The following LYPD6B variants were observed in gnomAD, a reference collection of about 807,000 sequenced individuals.
LYPD6B encodes the protein LY6/PLAUR domain containing 6B, also known as ly6/PLAUR domain-containing protein 6B.
In LYPD6B, 17 loss-of-function variants were observed where a neutral mutation model predicts 22.8. The ratio of observed to expected loss-of-function variants is 0.75; its 90% CI spans 0.51 to 1.12. The LOEUF (loss-of-function observed/expected upper bound fraction) is 1.12. Among genes scored for constraint, LYPD6B ranks in the 50% most tolerant of loss-of-function variants. The pLI, the probability that LYPD6B is intolerant of heterozygous loss-of-function variation, is 0.00. For missense variants in LYPD6B, 221 were observed against 258.3 expected, an observed-to-expected ratio of 0.86 and a Z score of 0.99; for synonymous variants, 106 against 91.6, an observed-to-expected ratio of 1.16 and a Z score of -0.90.
At chr2:149,146,400 C>T (rs385072) in intron 2 of LYPD6B, among the ~76,000 whole-genome samples, 96,540 of 151,794 alleles carry the variant, frequency 0.64, 30,813 homozygotes, top group South Asian at 0.75. Flanking sequence ...AGAGGCTCTG[C>T]GGAAGGATGG....
chr2:149,116,086 G>A (rs1343079754), intron 1 of LYPD6B, among the ~76,000 whole-genome samples: 1 of 152,120 alleles, frequency 6.6e-6, no homozygotes, highest in Non-Finnish European at 1.5e-5. Flanking sequence ...CATCATGTAG[G>A]CATTTTATCA....
chr2:149,196,896 C>T (rs1692846492), intron 3 of LYPD6B, among the ~76,000 whole-genome samples: 1 of 152,332 alleles, frequency 6.6e-6, no homozygotes, highest in South Asian at 2.1e-4. Flanking sequence ...TGCTAAATTT[C>T]CTCAACTGAA....
At chr2:149,107,195 T>A (rs1686520038) in intron 1 of LYPD6B, among the ~76,000 whole-genome samples, 1 of 152,186 alleles carries the variant, frequency 6.6e-6, no homozygotes, top group African/African-American at 2.4e-5. Flanking sequence ...TGTGAGGTGA[T>A]AAAATGCCTA....
At chr2:149,102,166 C>A (rs1686243553) in intron 1 of LYPD6B, among the ~76,000 whole-genome samples, 1 of 152,076 alleles carries the variant, frequency 6.6e-6, no homozygotes, top group Non-Finnish European at 1.5e-5. Context: ...AGTAAAGGCA[C>A]ATTGAAAAGA....
chr2:149,104,991 A>G (rs959978802), intron 1 of LYPD6B, among the ~76,000 whole-genome samples: 4 of 152,232 alleles, frequency 2.6e-5, no homozygotes, highest in Non-Finnish European at 5.9e-5. Flanking sequence ...TATAGTGTAA[A>G]GATCAAATTG....
chr2:149,153,995 G>C, intron 2 of LYPD6B: 1 of 818,338 alleles, frequency 1.2e-6, no homozygotes, highest in Non-Finnish European at 1.5e-6. Context: ...CAAGAATTCA[G>C]CCTGGCTCCT....
intron 3 of LYPD6B, among the ~76,000 whole-genome samples, chr2:149,189,664 G>C (rs1238001110): frequency 6.6e-6 from 1 of 151,982 alleles, no homozygotes; most frequent in African/African-American, 2.4e-5. Context: ...AAATAAACCT[G>C]TTGGGGAAGC....
At chr2:149,054,529 T>G (rs964918418) in intron 1 of LYPD6B, among the ~76,000 whole-genome samples, 7 of 152,210 alleles carry the variant, frequency 4.6e-5, no homozygotes, top group Admixed American at 4.6e-4. Flanking sequence ...AATATTTTAT[T>G]GCATTCTGTA....
chr2:149,206,651 C>T (rs1008997656), intron 4 of LYPD6B, among the ~76,000 whole-genome samples: 20 of 151,946 alleles, frequency 1.3e-4, no homozygotes, highest in Non-Finnish European at 2.4e-4. Context: ...TCCAAAGAGA[C>T]GGAAAACATA....
chr2:149,206,372 C>G (rs907720351), intron 4 of LYPD6B, among the ~76,000 whole-genome samples: 31 of 151,960 alleles, frequency 2.0e-4, no homozygotes, highest in African/African-American at 7.5e-4. Context: ...ACAGTCATCT[C>G]TGTGTGTGTG....
intron 3 of LYPD6B, among the ~76,000 whole-genome samples, chr2:149,195,946 C>G (rs1397163658): frequency 6.6e-6 from 1 of 152,182 alleles, no homozygotes; most frequent in Non-Finnish European, 1.5e-5. Context: ...AGAATTTGCC[C>G]CCAGGCCTGA....
rs150401707 is a variant in LYPD6B, at chr2:149,040,634, T to C, written c.-67+1833T>C. On this transcript the variant is annotated intron_variant, in intron 1 of 6. Coordinates refer to ENST00000409642, the MANE Select transcript of LYPD6B (RefSeq NM_177964.5). ...TGGGCACATGACCGACTGTGATTGA[T>C]AGACTGGCCCACCTCTGCTGCAAGG... Among the ~76,000 whole-genome samples the C allele has an allele frequency of 2.0e-4, 30 of 152,304 alleles. No individual in the cohort carries two copies. In the East Asian group the frequency reaches 4.8e-3, roughly 25 times the overall value.
At chr2:149,062,257 G>C (rs1332031954) in intron 1 of LYPD6B, among the ~76,000 whole-genome samples, 1 of 152,206 alleles carries the variant, frequency 6.6e-6, no homozygotes, top group African/African-American at 2.4e-5. Context: ...AAAGTGCTGG[G>C]ATTACAGGCG....
intron 3 of LYPD6B, among the ~76,000 whole-genome samples, chr2:149,184,510 A>G (rs1691964448): frequency 6.6e-6 from 1 of 152,196 alleles, no homozygotes; most frequent in South Asian, 2.1e-4. Flanking sequence ...GAAGCATAAG[A>G]AGGGAGAGCA....
intron 1 of LYPD6B, among the ~76,000 whole-genome samples, chr2:149,103,771 CTTTT>C (rs56739458): frequency 8.1e-5 from 6 of 74,322 alleles, no homozygotes; most frequent in Non-Finnish European, 7.1e-5. Flanking sequence ...TTGTGCATAT[CTTTT>C]TTTTTTTTTT....
chr2:149,170,862 A>T lies in LYPD6B; in HGVS notation c.77+10027A>T, dbSNP rs188399614. Among the ~76,000 whole-genome samples, 47 of 152,338 alleles carry T rather than the reference A, an allele frequency of 3.1e-4. No homozygotes were observed. In the East Asian group the frequency reaches 7.7e-3, roughly 25 times the overall value. On this transcript the variant is annotated intron_variant, in intron 3 of 6. Transcript: ENST00000409642. The stretch of plus-strand genomic sequence containing the variant: ...CTTTCTTTGTCTTCAGGCACTTGAA[A>T]TACATCATTAAACAACACAGAATTA...
chr2:149,067,230 C>T (rs571493266), intron 1 of LYPD6B, among the ~76,000 whole-genome samples: 35 of 152,054 alleles, frequency 2.3e-4, no homozygotes, highest in African/African-American at 2.9e-4. Flanking sequence ...GTTTGAGAAG[C>T]GCTGCTACAT....
chr2:149,098,132 T>G (rs1685990213), intron 1 of LYPD6B, among the ~76,000 whole-genome samples: 1 of 152,158 alleles, frequency 6.6e-6, no homozygotes, highest in African/African-American at 2.4e-5. Flanking sequence ...CCAGCTCTCA[T>G]GTGCTCCCTG....
chr2:149,062,632 G>A (rs1684140605), intron 1 of LYPD6B, among the ~76,000 whole-genome samples: 2 of 152,010 alleles, frequency 1.3e-5, no homozygotes, highest in Non-Finnish European at 2.9e-5. Context: ...CTTCTAAAAG[G>A]CATAATTCAA....
Sources: gnomAD v4.1 joint callset for allele counts (sites outside exome capture counted in the v4.1 genomes callset) on GRCh38, gnomAD v4.1.1 for gene constraint, MANE v1.5 for transcripts, NCBI Gene and HGNC (gene_info 2026-07-23, HGNC 2026-07-21) for gene names.